Variants in PNKD observed in about 807,000 individuals in gnomAD.
The protein encoded by PNKD is PNKD metallo-beta-lactamase domain containing.
PNKD carries 36 observed loss-of-function variants against 45.3 expected under a neutral mutation model. That is an observed-to-expected ratio of 0.80 (90% CI 0.61 to 1.05). The LOEUF (loss-of-function observed/expected upper bound fraction) is 1.05. Ranked by LOEUF, PNKD falls within the 50% of genes least tolerant of loss-of-function variation. PNKD has a pLI of 0.00. For missense variants in PNKD, 511 were observed against 506.6 expected (o/e 1.01, Z -0.08); for synonymous variants, 197 against 210.1 (o/e 0.94, Z 0.54).
At position 218,345,150 on chromosome 2, in the gene PNKD, G is replaced by C; in HGVS notation, c.*169G>C. 3 of 627,948 alleles carry C rather than the reference G, an allele frequency of 4.8e-6. No homozygotes were observed. The highest frequency in any genetic ancestry group is 8.3e-6 in the Non-Finnish European group (3 of 361,984). 38.9% of individuals were successfully genotyped at this position (627,948 alleles called of 1,614,324 possible). ...GAGGGATCAGGCGATGAGACTGTGA[G>C]GCCAAAAGAAGGGGGCCTGTTGGAG... On this transcript the variant is annotated 3_prime_UTR_variant, in exon 10 of 10. Coordinates refer to ENST00000273077, the MANE Select transcript of PNKD (RefSeq NM_015488.5).
intron 8 of PNKD, among the ~76,000 whole-genome samples, 174 bp downstream of exon 8, chr2:218,343,760 G>T (rs550531959): frequency 6.6e-6 from 1 of 152,320 alleles, no homozygotes; most frequent in South Asian, 2.1e-4. Context: ...TCTTCCTGGA[G>T]TGCTGGCTCC....
At chr2:218,290,192 C>T (rs1430744832) in intron 2 of PNKD, 1 of 152,174 alleles carries the variant, frequency 6.6e-6, no homozygotes, top group Non-Finnish European at 1.5e-5. Flanking sequence ...AGAAACAATC[C>T]ACACCCCCTT....
Position 218,341,990 on chromosome 2 carries a change from T to C in PNKD, c.627T>C (p.Cys209=), listed in dbSNP as rs764700824. 2 of 1,613,132 alleles carry C rather than the reference T, an allele frequency of 1.2e-6. No individual in the cohort carries two copies. The highest frequency in any genetic ancestry group is 1.7e-6 in the Non-Finnish European group (2 of 1,179,068). ...CTCCCTTGTTCCCCAGTCCCCTGTG[T>C]CATCAAGATGTGGTCAGCGTGGGAC... The part of the protein sequence containing the change: ...DGIPYLTHPL[C]HQDVVSVGRL... Residue 209 remains cysteine (C), a synonymous_variant, in exon 7 of 10, where the codon TGT becomes TGC. Transcript: ENST00000273077.
At chr2:218,338,013 G>T (rs914092716) in intron 2 of PNKD, among the ~76,000 whole-genome samples, 21 of 152,128 alleles carry the variant, frequency 1.4e-4, no homozygotes, top group Non-Finnish European at 2.8e-4. Flanking sequence ...TGGGTGTGGT[G>T]GTGCACGCCT....
rs1360756136 is a variant in PNKD at position 218,346,737 on chromosome 2, GC to G, written c.*1758del. On this transcript the variant is annotated 3_prime_UTR_variant, in exon 10 of 10. Transcript: ENST00000273077. Reference sequence around the variant, plus strand: ...TCTGTATTTCTGCGCCTAGCACGGTGCCTAGCACACAGTAGGCGCTCAATAA... The same window carrying G: ...TCTGTATTTCTGCGCCTAGCACGGTGCTAGCACACAGTAGGCGCTCAATAA... 6.5e-6 allele frequency: 1 copy of G among 153,960 alleles called. No individual in the cohort carries two copies. Among genetic ancestry groups the G allele is most frequent in the Non-Finnish European group, 1.5e-5 (1 of 68,060 alleles). 9.5% of individuals were successfully genotyped at this position (153,960 alleles called of 1,614,324 possible). A position where few individuals can be genotyped will look rare whatever the true frequency, so the allele number is the denominator to read the frequency against.
chr2:218,303,218 G>A (rs1403852925), intron 2 of PNKD, among the ~76,000 whole-genome samples: 1 of 152,172 alleles, frequency 6.6e-6, no homozygotes. Context: ...TAATCCTTGG[G>A]ATTACAGGTG....
At chr2:218,306,967 C>G (rs1021813201) in intron 2 of PNKD, among the ~76,000 whole-genome samples, 1 of 152,196 alleles carries the variant, frequency 6.6e-6, no homozygotes, top group Non-Finnish European at 1.5e-5. Flanking sequence ...ATTAAATACA[C>G]CTAAACCTAC....
At chr2:218,300,294 G>C (rs1264905568) in intron 2 of PNKD, among the ~76,000 whole-genome samples, 1 of 151,958 alleles carries the variant, frequency 6.6e-6, no homozygotes, top group Non-Finnish European at 1.5e-5. Context: ...ACCCATCCTA[G>C]GCAATTACTC....
chr2:218,272,788 TTGAC>T, intron 2 of PNKD: 1 of 1,613,982 alleles, frequency 6.2e-7, no homozygotes, highest in Non-Finnish European at 8.5e-7. Context: ...TCCTAGGCTA[TTGAC>T]TGTTAAGTCC....
chr2:218,277,452 T>C lies in PNKD; in HGVS notation c.236+5903T>C, dbSNP rs1031434755. On this transcript the variant is annotated intron_variant, in intron 2 of 9. Transcript: ENST00000273077. ...ATGATGACGGCTTTGGTTTGGTACA[T>C]ACTGGGGAGAAGCAGGAGTTACAGA... The C allele has an allele frequency of 3.7e-6, 6 of 1,613,924 alleles. No homozygotes were observed. In the African/African-American group the frequency reaches 8.0e-5, roughly 22 times the overall value.
At chr2:218,286,275 G>A (rs981806151) in intron 2 of PNKD, 1 of 151,948 alleles carries the variant, frequency 6.6e-6, no homozygotes, top group Admixed American at 6.6e-5. Flanking sequence ...GGCCTCAAGT[G>A]ATCCACCCAC....
At chr2:218,275,483 G>A (rs766550762) in intron 2 of PNKD, 36 of 1,613,014 alleles carry the variant, frequency 2.2e-5, no homozygotes, top group Non-Finnish European at 2.6e-5. Context: ...CCTTAATTGC[G>A]ATCCCCCATC....
chr2:218,292,655 A>G (rs1246786597), intron 2 of PNKD: 1 of 152,120 alleles, frequency 6.6e-6, no homozygotes, highest in Non-Finnish European at 1.5e-5. Flanking sequence ...AGCCCCGACG[A>G]CGCCTCACTA....
Position 218,345,109 on chromosome 2 carries a change from A to C in PNKD, c.*128A>C. 28 of 705,810 alleles carry C rather than the reference A, an allele frequency of 4.0e-5. No individual in the cohort carries two copies. The highest frequency in any genetic ancestry group is 6.2e-5 in the Non-Finnish European group (26 of 420,444). 43.7% of individuals were successfully genotyped at this position (705,810 alleles called of 1,614,324 possible). A position where few individuals can be genotyped will look rare whatever the true frequency, so the allele number is the denominator to read the frequency against. On this transcript the variant is annotated 3_prime_UTR_variant, in exon 10 of 10. Coordinates refer to ENST00000273077, the MANE Select transcript of PNKD (RefSeq NM_015488.5). ...ACCCAAGCGGGCATCATCCCCCCAC[A>C]CTGCTCAGGGGAGGGGAGGGATCAG... is the stretch of plus-strand genomic sequence containing the variant.
At chr2:218,323,069 C>G (rs982385174) in intron 2 of PNKD, 24 of 888,692 alleles carry the variant, frequency 2.7e-5, no homozygotes, top group Admixed American at 2.3e-4. Context: ...AGGCCGCCCC[C>G]CAAGCCGGGT....
intron 2 of PNKD, among the ~76,000 whole-genome samples, chr2:218,331,343 G>T (rs1414316269): frequency 1.3e-5 from 2 of 151,818 alleles, no homozygotes; most frequent in Non-Finnish European, 2.9e-5. Flanking sequence ...GGAGGCGGTG[G>T]TTGCAGTGAG....
intron 2 of PNKD, among the ~76,000 whole-genome samples, chr2:218,281,494 G>A (rs146918775): frequency 6.6e-6 from 1 of 152,318 alleles, no homozygotes; most frequent in Non-Finnish European, 1.5e-5. Flanking sequence ...ACCAAACTTG[G>A]CTCCAAATGT....
chr2:218,331,944 T>C (rs1172287014), intron 2 of PNKD, among the ~76,000 whole-genome samples: 1 of 152,204 alleles, frequency 6.6e-6, no homozygotes, highest in South Asian at 2.1e-4. Flanking sequence ...TACATTTTGC[T>C]GGTGGCAGTC....
chr2:218,275,437 G>T, intron 2 of PNKD: 1 of 1,593,760 alleles, frequency 6.3e-7, no homozygotes, highest in Non-Finnish European at 8.5e-7. Context: ...AGCTTGGAAG[G>T]GAGAGCCCAG....
Sources: allele counts gnomAD v4.1 joint callset (sites outside exome capture counted in the v4.1 genomes callset), GRCh38; gene constraint gnomAD v4.1.1; transcripts MANE v1.5; gene names NCBI Gene and HGNC (gene_info 2026-07-23, HGNC 2026-07-21).